PRIM2: variants seen among roughly 807,000 people sequenced by gnomAD.
PRIM2 encodes DNA primase subunit 2.
A neutral mutation model predicts 67.3 loss-of-function variants in PRIM2; 39 were observed. The observed-to-expected ratio is 0.58, with a 90% CI of 0.45 to 0.76. The LOEUF (loss-of-function observed/expected upper bound fraction) is 0.76, where lower values mean the gene tolerates loss of function less well. Ranked by LOEUF, PRIM2 falls within the 30% of genes least tolerant of loss-of-function variation. The probability of loss-of-function intolerance (pLI) is 0.00; values close to 1 mark genes in which losing one functional copy is unlikely to be tolerated. For missense variants in PRIM2, 398 were observed against 598.7 expected, an observed-to-expected ratio of 0.66 and a Z score of 3.50; for synonymous variants, 143 against 198.7, an observed-to-expected ratio of 0.72 and a Z score of 2.36.
intron 7 of PRIM2, among the ~76,000 whole-genome samples, chr6:57,448,232 C>T (rs1772427173): frequency 6.6e-6 from 1 of 152,044 alleles, no homozygotes; most frequent in Non-Finnish European, 1.5e-5. Flanking sequence ...TAAAATGCAA[C>T]CATTTTTATA....
rs557611022 is a variant in PRIM2, at chr6:57,337,803, AAAGC to A, written c.459+11762_459+11765del. Among the ~76,000 whole-genome samples, 413 of 152,284 alleles carry A rather than the reference AAAGC, an allele frequency of 2.7e-3. 1 individual carries two copies. The highest frequency in any genetic ancestry group is 5.4e-3 in the Admixed American group (83 of 15,292). ...CCCTAACATCACAATTAGGATTAGA[AAAGC>A]AAGAACAGACAAATTTAAAAGGTAG... On this transcript the variant is annotated intron_variant, in intron 5 of 13. Coordinates refer to ENST00000615550, the MANE Select transcript of PRIM2 (RefSeq NM_000947.5).
rs1306871416 is a variant in PRIM2 at position 57,467,736 on chromosome 6, A to G, written c.694-39651A>G. Among the ~76,000 whole-genome samples the G allele has an allele frequency of 1.6e-4, 25 of 151,898 alleles. No homozygotes were observed. The East Asian group carries it at 4.7e-3, about 28-fold the overall frequency. On this transcript the variant is annotated intron_variant, in intron 7 of 13. Transcript: ENST00000615550. ...TTTGGGCAGCATGGCCATTTTCATG[A>G]TATTGATTCTTCATATTCATGAGCA...
intron 7 of PRIM2, among the ~76,000 whole-genome samples, chr6:57,403,553 C>T (rs7773721): frequency 2.7e-5 from 4 of 148,684 alleles, no homozygotes; most frequent in Non-Finnish European, 5.9e-5. Flanking sequence ...TAAGCCACCG[C>T]GCCTGGCCCA....
chr6:57,614,582 G>T (rs1252066808), intron 12 of PRIM2, among the ~76,000 whole-genome samples: 12,000 of 152,080 alleles, frequency 0.079, 494 homozygotes, highest in African/African-American at 0.11. Context: ...TGGGTGTGGT[G>T]GCTCACACCT....
chr6:57,564,935 C>T (rs1775707614), intron 10 of PRIM2, among the ~76,000 whole-genome samples: 1 of 152,208 alleles, frequency 6.6e-6, no homozygotes. Flanking sequence ...ATGGATGTAG[C>T]TGTGTTACTA....
chr6:57,480,728 A>G (rs1773602267), intron 7 of PRIM2, among the ~76,000 whole-genome samples: 1 of 152,164 alleles, frequency 6.6e-6, no homozygotes, highest in Non-Finnish European at 1.5e-5. Context: ...TCCCAGGTTC[A>G]AGCAATTCTC....
intron 5 of PRIM2, among the ~76,000 whole-genome samples, chr6:57,345,979 T>C (rs1768662827): frequency 6.6e-6 from 1 of 152,200 alleles, no homozygotes. Context: ...AGCATGCTAA[T>C]GGATTATAAT....
the PRIM2 span, among the ~76,000 whole-genome samples, chr6:57,242,826 C>G: frequency 6.6e-6 from 1 of 152,126 alleles, no homozygotes; most frequent in Admixed American, 6.5e-5. Context: ...CTGAGGTAAT[C>G]ACAGGCAGTT....
the PRIM2 span, among the ~76,000 whole-genome samples, chr6:57,289,792 G>A: frequency 6.6e-6 from 1 of 152,160 alleles, no homozygotes; most frequent in Non-Finnish European, 1.5e-5. Flanking sequence ...CCTTATAAGA[G>A]CTCCTGAAGG....
At chr6:57,556,916 T>G in intron 10 of PRIM2, among the ~76,000 whole-genome samples, 1 of 147,584 alleles carries the variant, frequency 6.8e-6, no homozygotes, top group Admixed American at 6.8e-5. Flanking sequence ...ATAAGGAACT[T>G]AAATTTAAAA....
At chr6:57,241,628 T>G in the PRIM2 span, among the ~76,000 whole-genome samples, 124,651 of 149,814 alleles carry the variant, frequency 0.83, 52,491 homozygotes, top group Middle Eastern at 0.92. Context: ...ATTGGGGGGA[T>G]GGGGAGGAGT....
intron 10 of PRIM2, among the ~76,000 whole-genome samples, chr6:57,575,853 A>C (rs1775954641): frequency 6.6e-6 from 1 of 152,110 alleles, no homozygotes; most frequent in Non-Finnish European, 1.5e-5. Context: ...ACCTAGACTC[A>C]CTGCAACCTC....
At chr6:57,343,212 T>A (rs2071028961) in intron 5 of PRIM2, among the ~76,000 whole-genome samples, 1 of 152,198 alleles carries the variant, frequency 6.6e-6, no homozygotes, top group Non-Finnish European at 1.5e-5. Flanking sequence ...TTTTGATCAT[T>A]TTGGCCCTTA....
upstream of PRIM2, among the ~76,000 whole-genome samples, chr6:57,311,845 G>C (rs902916962): frequency 1.3e-5 from 2 of 152,176 alleles, no homozygotes; most frequent in Non-Finnish European, 1.5e-5. Flanking sequence ...CGGTCAACAC[G>C]GCGAAACCCC....
At position 57,382,184 on chromosome 6, in the gene PRIM2, G is replaced by T. The variant is rs4585567; in HGVS notation, c.693+16G>T. On this transcript the variant is annotated intron_variant, in intron 7 of 13. Transcript: ENST00000615550. ...GGCTTTGGCAGTGAGTATTTTACTT[G>T]ATTTCTGTATCTGACATGTTCACAC... 3.1e-6 allele frequency: 5 copies of T among 1,610,412 alleles called. No individual in the cohort carries two copies. Among genetic ancestry groups the T allele is most frequent in the South Asian group, 1.1e-5 (1 of 90,456 alleles).
chr6:57,270,473 A>AT, the PRIM2 span, among the ~76,000 whole-genome samples: 5 of 152,092 alleles, frequency 3.3e-5, no homozygotes, highest in African/African-American at 1.2e-4. Context: ...TTGTACATTG[A>AT]TTTTGTATCC....
the PRIM2 span, among the ~76,000 whole-genome samples, chr6:57,265,804 T>C: frequency 1.1e-4 from 17 of 152,312 alleles, no homozygotes; most frequent in East Asian, 2.9e-3. Context: ...TTAAATGCAG[T>C]TGGTTCCTAG....
the PRIM2 span, among the ~76,000 whole-genome samples, chr6:57,273,455 T>C: frequency 7.9e-5 from 12 of 152,248 alleles, no homozygotes; most frequent in Non-Finnish European, 1.3e-4. Context: ...ACATAGTTCT[T>C]GTGCCTTGGT....
chr6:57,351,632 T>C (rs1020497012), intron 5 of PRIM2, among the ~76,000 whole-genome samples: 3 of 151,894 alleles, frequency 2.0e-5, no homozygotes, highest in Non-Finnish European at 2.9e-5. Context: ...ATGTTAGTAA[T>C]GATAGTGAAC....
Sources: allele counts gnomAD v4.1 joint callset (sites outside exome capture counted in the v4.1 genomes callset), GRCh38; gene constraint gnomAD v4.1.1; transcripts MANE v1.5; gene names NCBI Gene and HGNC (gene_info 2026-07-23, HGNC 2026-07-21).